The following MAST2 variants were observed in gnomAD, a reference collection of about 807,000 sequenced individuals.
The protein encoded by MAST2 is microtubule associated serine/threonine kinase 2.
MAST2 carries 70 observed loss-of-function variants against 147.4 expected under a neutral mutation model. That is an observed-to-expected ratio of 0.47 (90% CI 0.39 to 0.58). The LOEUF is 0.58. MAST2 is among the 20% of genes least tolerant of loss of function. The pLI is 0.00. For synonymous variants in MAST2, 869 were observed against 896.8 expected (o/e 0.97, Z 0.55); for missense variants, 2,080 against 2,302.3 (o/e 0.90, Z 1.98).
chr1:45,824,970 CGAA>C (rs1434197146), intron 2 of MAST2, among the ~76,000 whole-genome samples: 2 of 152,202 alleles, frequency 1.3e-5, no homozygotes, highest in African/African-American at 4.8e-5. Flanking sequence ...AAAAATTATA[CGAA>C]GAAGTCACAG....
chr1:45,823,280 T>C (rs1419963521), intron 1 of MAST2, among the ~76,000 whole-genome samples: 3 of 151,726 alleles, frequency 2.0e-5, no homozygotes, highest in Non-Finnish European at 4.4e-5. Flanking sequence ...ATTGCTATGG[T>C]GCCAGTTACT....
chr1:45,877,068 A>G (rs1354615797), intron 3 of MAST2, among the ~76,000 whole-genome samples: 2 of 152,192 alleles, frequency 1.3e-5, no homozygotes, highest in African/African-American at 4.8e-5. Context: ...TCGTGCTGCT[A>G]TAAAAAAATA....
At chr1:46,022,176 A>T in intron 12 of MAST2, 94 bp downstream of exon 12, 1 of 1,518,228 alleles carries the variant, frequency 6.6e-7, no homozygotes, top group East Asian at 2.3e-5. Context: ...CTTAGCTTGG[A>T]CATGGACACA....
chr1:45,961,373 A>G (rs1660393621), intron 5 of MAST2, among the ~76,000 whole-genome samples: 1 of 152,224 alleles, frequency 6.6e-6, no homozygotes, highest in African/African-American at 2.4e-5. Context: ...GACCTTGTAT[A>G]TAGTTGCACA....
intron 5 of MAST2, among the ~76,000 whole-genome samples, chr1:45,993,984 CAT>C (rs1017857844): frequency 1.3e-5 from 2 of 152,234 alleles, no homozygotes; most frequent in East Asian, 1.9e-4. Context: ...CCAAAGAAAA[CAT>C]GTGTAGGACA....
At chr1:45,879,603 T>C in intron 3 of MAST2, among the ~76,000 whole-genome samples, 1 of 132,322 alleles carries the variant, frequency 7.6e-6, no homozygotes, top group South Asian at 2.3e-4. Context: ...GCACCACCAA[T>C]AACTTTAGTA....
Position 45,829,655 on chromosome 1 carries a change from CT to C in MAST2, c.468+79del, listed in dbSNP as rs1449394580. 6 of 1,411,454 alleles carry C rather than the reference CT, an allele frequency of 4.3e-6. No homozygotes were observed. The African/African-American group carries it at 4.3e-5, about 10-fold the overall frequency. The allele number at this position is 1,411,454 out of a possible 1,614,324, so 87.4% of individuals were successfully genotyped here. On this transcript the variant is annotated intron_variant, in intron 3 of 28. Coordinates refer to ENST00000361297, the MANE Select transcript of MAST2 (RefSeq NM_015112.3). The stretch of plus-strand genomic sequence containing the variant: ...GTCATTTGTCATTGCAACATCTATT[CT>C]TTTTCCTTTTTAGGATTTGGAGAAT...
intron 4 of MAST2, among the ~76,000 whole-genome samples, chr1:45,922,009 GCTCCTATCTGTAGGCAGGTCCTCC>G (rs925969139): frequency 2.6e-5 from 4 of 152,228 alleles, no homozygotes; most frequent in Admixed American, 2.0e-4. Flanking sequence ...GCAGTGGGTA[GCTCCTATCTGTAGGCAGGTCCTCC>G]CGTTGAGTGT....
Position 46,010,720 on chromosome 1 carries a change from T to C in MAST2, c.979-10T>C, listed in dbSNP as rs1386368038. 3 of 1,612,010 alleles carry C rather than the reference T, an allele frequency of 1.9e-6. No homozygotes were observed. The highest frequency in any genetic ancestry group is 1.7e-6 in the Non-Finnish European group (2 of 1,179,570). ...GAAGGGAAGTGTTTCTTTCTTGCTT[T>C]TCTTCCCAGGCCACCGCACAAATGG... On this transcript the variant is annotated splice_polypyrimidine_tract_variant and intron_variant, in intron 9 of 28. Coordinates refer to ENST00000361297, the MANE Select transcript of MAST2 (RefSeq NM_015112.3).
chr1:45,890,064 A>G (rs1249518316), intron 4 of MAST2, among the ~76,000 whole-genome samples: 2 of 152,144 alleles, frequency 1.3e-5, no homozygotes, highest in East Asian at 1.9e-4. Context: ...TTTTCCATCT[A>G]TACCAATCTA....
intron 3 of MAST2, among the ~76,000 whole-genome samples, chr1:45,862,605 G>C (rs1323395491): frequency 1.3e-5 from 2 of 151,862 alleles, no homozygotes; most frequent in Admixed American, 1.3e-4. Flanking sequence ...AAGTAGTTGG[G>C]ATTACAGCTG....
rs750673724 is a variant in MAST2, at chr1:45,959,288, C to T, written c.501-98C>T. Reference sequence around the variant, plus strand: ...GTTTAAAGAAGTATACTGTGCGGCCCGTGGAATGGTGTCCCTCTTTAGTTC... The same window carrying T: ...GTTTAAAGAAGTATACTGTGCGGCCTGTGGAATGGTGTCCCTCTTTAGTTC... On this transcript the variant is annotated intron_variant, in intron 4 of 28. Coordinates refer to ENST00000361297, the MANE Select transcript of MAST2 (RefSeq NM_015112.3). 2.1e-4 allele frequency: 174 copies of T among 835,294 alleles called. 1 individual carries two copies. The highest frequency in any genetic ancestry group is 3.1e-4 in the Admixed American group (15 of 48,746). 51.7% of individuals were successfully genotyped at this position (835,294 alleles called of 1,614,324 possible). A position where few individuals can be genotyped will look rare whatever the true frequency, so the allele number is the denominator to read the frequency against.
At chr1:46,024,089 T>A in intron 15 of MAST2, 109 bp downstream of exon 15, 1 of 1,054,712 alleles carries the variant, frequency 9.5e-7, no homozygotes, top group South Asian at 1.4e-5. Flanking sequence ...GGCCCAGCTT[T>A]CCAGTCCACC....
At chr1:45,896,704 G>C (rs886961297) in intron 4 of MAST2, among the ~76,000 whole-genome samples, 5 of 152,174 alleles carry the variant, frequency 3.3e-5, no homozygotes, top group African/African-American at 1.2e-4. Context: ...ACTGTAACTA[G>C]GGCTATGGGA....
At chr1:45,860,536 A>C (rs377057842) in intron 3 of MAST2, among the ~76,000 whole-genome samples, 1 of 152,022 alleles carries the variant, frequency 6.6e-6, no homozygotes, top group Admixed American at 6.6e-5. Flanking sequence ...TCCAGTATAC[A>C]TCTTACTACT....
At chr1:45,918,674 G>C (rs989875994) in intron 4 of MAST2, among the ~76,000 whole-genome samples, 2 of 152,106 alleles carry the variant, frequency 1.3e-5, no homozygotes, top group African/African-American at 4.8e-5. Context: ...CTGACCTCAG[G>C]TTATCCACCC....
At chr1:45,814,313 C>T (rs1400236644) in intron 1 of MAST2, among the ~76,000 whole-genome samples, 1 of 152,146 alleles carries the variant, frequency 6.6e-6, no homozygotes, top group South Asian at 2.1e-4. Flanking sequence ...CTCCATGTCA[C>T]CTCCATTATT....
At chr1:45,905,993 G>A (rs1206777979) in intron 4 of MAST2, among the ~76,000 whole-genome samples, 1 of 152,244 alleles carries the variant, frequency 6.6e-6, no homozygotes, top group African/African-American at 2.4e-5. Context: ...TTTATTGAGT[G>A]TATACTGGTA....
chr1:45,959,337 G>C (rs1314662673), intron 4 of MAST2, 49 bp from the exon 5 acceptor site: 1 of 1,467,148 alleles, frequency 6.8e-7, no homozygotes, highest in Admixed American at 1.7e-5. Flanking sequence ...CAAGGTCTCT[G>C]GGCCCATGGT....
Sources: allele counts gnomAD v4.1 joint callset (sites outside exome capture counted in the v4.1 genomes callset), GRCh38; gene constraint gnomAD v4.1.1; transcripts MANE v1.5; gene names NCBI Gene and HGNC (gene_info 2026-07-23, HGNC 2026-07-21).